The following GREM2 variants were observed in gnomAD, a reference collection of about 807,000 sequenced individuals.
GREM2 encodes the protein gremlin-2.
GREM2 carries 11 observed loss-of-function variants against 14.2 expected under a neutral mutation model. The ratio of observed to expected loss-of-function variants is 0.78; its 90% CI spans 0.49 to 1.28. The LOEUF is 1.28. GREM2 is among the 50% of genes most tolerant of loss of function. The pLI, the probability that GREM2 is intolerant of heterozygous loss-of-function variation, is 0.00. For missense variants in GREM2, 210 were observed against 218.5 expected (o/e 0.96, Z 0.24); for synonymous variants, 98 against 97.6 (o/e 1.00, Z -0.02).
At chr1:240,535,734 G>T (rs1453797497) in intron 1 of GREM2, among the ~76,000 whole-genome samples, 1 of 151,366 alleles carries the variant, frequency 6.6e-6, no homozygotes, top group African/African-American at 2.4e-5. Context: ...GGGAGGTGGA[G>T]GTTGCAGTGA....
chr1:240,513,970 G>A (rs534432560), intron 1 of GREM2, among the ~76,000 whole-genome samples: 1 of 151,926 alleles, frequency 6.6e-6, no homozygotes, highest in Non-Finnish European at 1.5e-5. Flanking sequence ...AAATAGTCCG[G>A]TGCGGTGGCT....
chr1:240,513,249 G>T (rs1677874202), intron 1 of GREM2, among the ~76,000 whole-genome samples: 1 of 152,132 alleles, frequency 6.6e-6, no homozygotes, highest in African/African-American at 2.4e-5. Flanking sequence ...GCATGAGAAT[G>T]AACTGGGATG....
At chr1:240,610,510 AAAC>A (rs1680111848) in intron 1 of GREM2, among the ~76,000 whole-genome samples, 1 of 152,190 alleles carries the variant, frequency 6.6e-6, no homozygotes, top group African/African-American at 2.4e-5. Context: ...AAGAAACAAA[AAAC>A]AAACAAACAA....
At chr1:240,526,037 T>C (rs1297232832) in intron 1 of GREM2, among the ~76,000 whole-genome samples, 1 of 152,202 alleles carries the variant, frequency 6.6e-6, no homozygotes, top group Non-Finnish European at 1.5e-5. Flanking sequence ...CCAAGAAACG[T>C]ACTCCTGCTT....
At chr1:240,499,045 AGCAAGCTAGTATTTAG>A (rs1350544719) in intron 1 of GREM2, among the ~76,000 whole-genome samples, 4 of 152,222 alleles carry the variant, frequency 2.6e-5, no homozygotes, top group African/African-American at 9.6e-5. Context: ...CACAGGCCAA[AGCAAGCTAGTATTTAG>A]GCAGCTAAGG....
intron 1 of GREM2, among the ~76,000 whole-genome samples, chr1:240,587,267 T>TA (rs199858344): frequency 0.012 from 1,756 of 152,186 alleles, 33 homozygotes; most frequent in African/African-American, 0.04. Context: ...GACATGCTTT[T>TA]AAAAAAATAT....
intron 1 of GREM2, among the ~76,000 whole-genome samples, chr1:240,576,688 C>T (rs143796855): frequency 2.4e-4 from 36 of 152,204 alleles, no homozygotes; most frequent in African/African-American, 8.4e-4. Flanking sequence ...AAACTTAACT[C>T]TTTGTTTGGA....
At chr1:240,590,982 A>G (rs868647302) in intron 1 of GREM2, among the ~76,000 whole-genome samples, 5 of 151,182 alleles carry the variant, frequency 3.3e-5, no homozygotes, top group East Asian at 2.0e-4. Context: ...GGGTTTCACC[A>G]GGTTGGCCAG....
intron 1 of GREM2, among the ~76,000 whole-genome samples, chr1:240,576,862 T>G (rs1342471733): frequency 6.6e-6 from 1 of 152,220 alleles, no homozygotes; most frequent in East Asian, 1.9e-4. Context: ...ATTCGTTTAC[T>G]GTATTTTATT....
At position 240,501,497 on chromosome 1, in the gene GREM2, T is replaced by A. The variant is rs181706584; in HGVS notation, c.-1-8021A>T. Among the ~76,000 whole-genome samples, 62 of 152,340 alleles carry A rather than the reference T, an allele frequency of 4.1e-4. 1 individual carries two copies. In the East Asian group the frequency reaches 8.5e-3, roughly 21 times the overall value. On this transcript the variant is annotated intron_variant, in intron 1 of 1. Coordinates refer to ENST00000318160, the MANE Select transcript of GREM2 (RefSeq NM_022469.4). ...ACAGCAAATGCATCATTAGGGAATT[T>A]GTAATCAACGTTCTAAATCTTTGAA...
chr1:240,514,608 T>C (rs1677911059), intron 1 of GREM2, among the ~76,000 whole-genome samples: 1 of 152,090 alleles, frequency 6.6e-6, no homozygotes. Flanking sequence ...CTATCAACTT[T>C]AACAAGAAGG....
intron 1 of GREM2, among the ~76,000 whole-genome samples, chr1:240,602,849 G>A (rs569466942): frequency 2.6e-5 from 4 of 151,724 alleles, no homozygotes; most frequent in South Asian, 2.1e-4. Flanking sequence ...CGAGGCAGGC[G>A]GATCACGAGG....
At chr1:240,609,056 T>C (rs148710483) in intron 1 of GREM2, among the ~76,000 whole-genome samples, 91 of 152,308 alleles carry the variant, frequency 6.0e-4, no homozygotes, top group African/African-American at 2.2e-3. Flanking sequence ...TCATCAAAAA[T>C]GTATACTTGA....
At chr1:240,558,052 A>T (rs1170612052) in intron 1 of GREM2, among the ~76,000 whole-genome samples, 1 of 152,180 alleles carries the variant, frequency 6.6e-6, no homozygotes, top group Non-Finnish European at 1.5e-5. Flanking sequence ...GTTAAATTTT[A>T]TCTAATTGAA....
chr1:240,551,936 T>C (rs1678862122), intron 1 of GREM2, among the ~76,000 whole-genome samples: 2 of 152,172 alleles, frequency 1.3e-5, no homozygotes, highest in Non-Finnish European at 2.9e-5. Context: ...GAGTGTAAAT[T>C]CTGCAAATAA....
chr1:240,516,985 T>C (rs1572376599), intron 1 of GREM2, among the ~76,000 whole-genome samples: 1 of 152,134 alleles, frequency 6.6e-6, no homozygotes, highest in South Asian at 2.1e-4. Context: ...CTTTAGGAAG[T>C]CTTCAAATCG....
chr1:240,521,289 G>C (rs541167552), intron 1 of GREM2, among the ~76,000 whole-genome samples: 35 of 152,064 alleles, frequency 2.3e-4, no homozygotes, highest in Non-Finnish European at 4.6e-4. Flanking sequence ...AACGGGAGGG[G>C]TGGGCGCGGT....
At chr1:240,509,091 A>G (rs1677742047) in intron 1 of GREM2, among the ~76,000 whole-genome samples, 1 of 152,218 alleles carries the variant, frequency 6.6e-6, no homozygotes, top group Non-Finnish European at 1.5e-5. Context: ...TGTTTAGAGT[A>G]GAGGACTTCT....
chr1:240,585,259 C>A (rs1275416481), intron 1 of GREM2, among the ~76,000 whole-genome samples: 2 of 152,080 alleles, frequency 1.3e-5, no homozygotes, highest in East Asian at 3.9e-4. Flanking sequence ...TTAAAGGAGA[C>A]ACCCCCTCTT....
Sources: allele counts gnomAD v4.1 joint callset (sites outside exome capture counted in the v4.1 genomes callset), GRCh38; gene constraint gnomAD v4.1.1; transcripts MANE v1.5; gene names NCBI Gene and HGNC (gene_info 2026-07-23, HGNC 2026-07-21).